Variants in SGCD observed in about 807,000 individuals in gnomAD.
The protein encoded by SGCD is delta-sarcoglycan.
Under a neutral mutation model 36.6 loss-of-function variants are expected in SGCD, and 18 were observed. That is an observed-to-expected ratio of 0.49 (90% CI 0.34 to 0.73). The LOEUF is 0.73. Among genes scored for constraint, SGCD ranks in the 30% least tolerant of loss-of-function variants. The probability of loss-of-function intolerance (pLI) is 0.01; values close to 1 mark genes in which losing one functional copy is unlikely to be tolerated. For synonymous variants in SGCD, 133 were observed against 130.6 expected, an observed-to-expected ratio of 1.02 and a Z score of -0.12; for missense variants, 387 against 346.7, an observed-to-expected ratio of 1.12 and a Z score of -0.92.
chr5:156,594,875 TTCTCTC>T, intron 5 of SGCD, 51 bp from the exon 6 acceptor site: 1 of 1,155,540 alleles, frequency 8.7e-7, no homozygotes, highest in Non-Finnish European at 1.3e-6. Flanking sequence ...TAATGGTGTT[TTCTCTC>T]TCTCTCTCTC....
At chr5:156,750,329 C>T (rs1757104120) in intron 7 of SGCD, among the ~76,000 whole-genome samples, 1 of 152,048 alleles carries the variant, frequency 6.6e-6, no homozygotes, top group Non-Finnish European at 1.5e-5. Flanking sequence ...CATTTCTTTA[C>T]TTCTAATCAA....
chr5:156,331,960 G>A (rs774245448), intron 2 of SGCD, among the ~76,000 whole-genome samples: 2 of 152,028 alleles, frequency 1.3e-5, no homozygotes, highest in East Asian at 1.9e-4. Context: ...TAGCCCTTTC[G>A]CTCTTTCTTT....
rs1652724480 is a variant in SGCD at position 156,763,140 on chromosome 5, G to A, written c.*3750G>A. On this transcript the variant is annotated 3_prime_UTR_variant, in exon 9 of 9. Transcript: ENST00000337851. ...TGATAGACCATACCAGGTTCTGCAG[G>A]TCAGCATCATTGTGTAATGAGAGTG... 6.7e-6 allele frequency: 1 copy of A among 148,856 alleles called. No homozygotes were observed. The highest frequency in any genetic ancestry group is 1.5e-5 in the Non-Finnish European group (1 of 68,032). The allele number at this position is 148,856 out of a possible 1,614,324, so 9.2% of individuals were successfully genotyped here. A position where few individuals can be genotyped will look rare whatever the true frequency, so the allele number is the denominator to read the frequency against.
At chr5:155,830,160 A>C in the SGCD span, among the ~76,000 whole-genome samples, 1 of 152,186 alleles carries the variant, frequency 6.6e-6, no homozygotes, top group Admixed American at 6.5e-5. Flanking sequence ...GCCATGACAA[A>C]ATAACACAGA....
chr5:156,220,449 A>G (rs1042557532), intron 3 of SGCD, among the ~76,000 whole-genome samples: 3 of 152,172 alleles, frequency 2.0e-5, no homozygotes, highest in Admixed American at 2.0e-4. Flanking sequence ...ATAGGCATGA[A>G]ATTACTTATT....
chr5:155,986,523 T>C (rs767689218), intron 1 of SGCD, among the ~76,000 whole-genome samples: 19 of 152,108 alleles, frequency 1.2e-4, no homozygotes, highest in Non-Finnish European at 2.5e-4. Flanking sequence ...AGAGTTGATA[T>C]GTGAGCCAGT....
At chr5:156,660,330 A>AC (rs1229660270) in intron 7 of SGCD, among the ~76,000 whole-genome samples, 3 of 152,274 alleles carry the variant, frequency 2.0e-5, no homozygotes, top group African/African-American at 7.2e-5. Context: ...GGGGCCAGGT[A>AC]CCCATACACT....
rs899479811 is a variant in SGCD, at chr5:156,485,673, C to T, written c.193-22928C>T. Among the ~76,000 whole-genome samples the T allele has an allele frequency of 3.3e-5, 5 of 152,094 alleles. No homozygotes were observed. The East Asian group carries it at 5.8e-4, about 18-fold the overall frequency. ...TCCATCTCAAAAATAAAAAAAAAAT[C>T]GCTGTGTGTGGAGATGCCCAGCATT... On this transcript the variant is annotated intron_variant, in intron 3 of 8. Coordinates refer to ENST00000337851, the MANE Select transcript of SGCD (RefSeq NM_000337.6).
intron 1 of SGCD, among the ~76,000 whole-genome samples, chr5:156,030,056 G>A (rs1441436166): frequency 6.6e-6 from 1 of 152,080 alleles, no homozygotes; most frequent in Non-Finnish European, 1.5e-5. Flanking sequence ...AAGGTAACGG[G>A]TGCTTAGTTA....
intron 1 of SGCD, among the ~76,000 whole-genome samples, chr5:155,975,609 C>CCTTTTTTTTT (rs1758096365): frequency 1.8e-4 from 5 of 28,008 alleles, no homozygotes; most frequent in Admixed American, 6.0e-4. Context: ...TCTTTCTTTC[C>CCTTTTTTTTT]TTTTTTTTTT....
intron 7 of SGCD, among the ~76,000 whole-genome samples, chr5:156,703,255 T>A (rs1754599101): frequency 1.3e-5 from 2 of 151,950 alleles, no homozygotes; most frequent in Non-Finnish European, 2.9e-5. Flanking sequence ...TTGCTAACTA[T>A]GAAAAACATA....
At chr5:156,192,707 C>A (rs1763921650) in intron 3 of SGCD, among the ~76,000 whole-genome samples, 1 of 151,450 alleles carries the variant, frequency 6.6e-6, no homozygotes, top group Non-Finnish European at 1.5e-5. Context: ...ATTACACATT[C>A]TATGCATGTA....
intron 4 of SGCD, among the ~76,000 whole-genome samples, chr5:156,528,928 C>G (rs942857344): frequency 6.6e-6 from 1 of 152,304 alleles, no homozygotes; most frequent in African/African-American, 2.4e-5. Context: ...TCCCAGCTGT[C>G]TAGAATGACT....
intron 6 of SGCD, among the ~76,000 whole-genome samples, chr5:156,618,721 T>TGA (rs1245471893): frequency 2.0e-5 from 3 of 152,004 alleles, no homozygotes; most frequent in African/African-American, 7.2e-5. Context: ...CTCGCAAGCT[T>TGA]GAGGGGTGAA....
At chr5:155,753,149 A>G in the SGCD span, among the ~76,000 whole-genome samples, 2 of 151,826 alleles carry the variant, frequency 1.3e-5, no homozygotes, top group Non-Finnish European at 2.9e-5. Context: ...CATCCTGTCC[A>G]ACATGATGAA....
the SGCD span, among the ~76,000 whole-genome samples, chr5:155,828,772 C>T: frequency 4.0e-5 from 6 of 151,748 alleles, no homozygotes; most frequent in African/African-American, 1.2e-4. Context: ...TTGTAACCTC[C>T]GCCTACTGGG....
At chr5:156,075,359 A>G (rs1760742926) in intron 1 of SGCD, among the ~76,000 whole-genome samples, 1 of 152,150 alleles carries the variant, frequency 6.6e-6, no homozygotes, top group Non-Finnish European at 1.5e-5. Flanking sequence ...AAAAAAGAAA[A>G]AACTACAAAC....
chr5:156,384,131 A>G (rs1771145091), intron 3 of SGCD, among the ~76,000 whole-genome samples: 1 of 152,212 alleles, frequency 6.6e-6, no homozygotes, highest in African/African-American at 2.4e-5. Flanking sequence ...TAGCACATTC[A>G]ATGCCAGAAA....
At chr5:156,073,986 G>T (rs548806437) in intron 1 of SGCD, among the ~76,000 whole-genome samples, 1 of 152,184 alleles carries the variant, frequency 6.6e-6, no homozygotes, top group Non-Finnish European at 1.5e-5. Flanking sequence ...CTTGAAGGGT[G>T]AGTAAGATTC....
Sources: allele counts gnomAD v4.1 joint callset (sites outside exome capture counted in the v4.1 genomes callset), GRCh38; gene constraint gnomAD v4.1.1; transcripts MANE v1.5; gene names NCBI Gene and HGNC (gene_info 2026-07-23, HGNC 2026-07-21).